STXBP5L: variants seen among roughly 807,000 people sequenced by gnomAD.
The protein encoded by STXBP5L is syntaxin-binding protein 5-like.
A neutral mutation model predicts 144.5 loss-of-function variants in STXBP5L; 65 were observed. That is an observed-to-expected ratio of 0.45 (90% CI 0.37 to 0.55). The LOEUF (loss-of-function observed/expected upper bound fraction) is 0.55, where lower values mean the gene tolerates loss of function less well. STXBP5L is among the 20% of genes least tolerant of loss of function. STXBP5L has a pLI of 0.00. For synonymous variants in STXBP5L, 505 were observed against 469.6 expected, an observed-to-expected ratio of 1.08 and a Z score of -0.97; for missense variants, 1,298 against 1,405.5, an observed-to-expected ratio of 0.92 and a Z score of 1.22.
chr3:120,935,276 T>A (rs1238432348), intron 2 of STXBP5L, among the ~76,000 whole-genome samples: 1 of 151,950 alleles, frequency 6.6e-6, no homozygotes, highest in Non-Finnish European at 1.5e-5. Context: ...AGTTCCCTTA[T>A]AATAAAGTAT....
intron 3 of STXBP5L, 101 bp downstream of exon 3, chr3:120,955,138 A>G (rs912331171): frequency 1.2e-6 from 1 of 829,894 alleles, no homozygotes; most frequent in African/African-American, 1.8e-5. Context: ...AAAGTTTATT[A>G]TTTTTTAAGA....
At chr3:121,001,808 T>C (rs1161286183) in intron 3 of STXBP5L, among the ~76,000 whole-genome samples, 2 of 152,164 alleles carry the variant, frequency 1.3e-5, no homozygotes, top group Non-Finnish European at 2.9e-5. Flanking sequence ...AAGATTTCAT[T>C]GGGGTGTGCT....
intron 20 of STXBP5L, among the ~76,000 whole-genome samples, chr3:121,360,776 T>C (rs1211683609): frequency 1.3e-5 from 2 of 152,174 alleles, no homozygotes; most frequent in Non-Finnish European, 2.9e-5. Flanking sequence ...TTATTATTTT[T>C]TATTGTTTCA....
At position 120,952,268 on chromosome 3, in the gene STXBP5L, T is replaced by C. The variant is rs554434198; in HGVS notation, c.190-2672T>C. On this transcript the variant is annotated intron_variant, in intron 2 of 26. Coordinates refer to ENST00000471454, the MANE Select transcript of STXBP5L (RefSeq NM_001308330.2). ...GACAGAGATTGCATTGATTTTAATA[T>C]CAATTCGGAGAGTATTGCCACATTA... Among the ~76,000 whole-genome samples, 58 of 152,094 alleles carry C rather than the reference T, an allele frequency of 3.8e-4. 1 individual carries two copies. Among genetic ancestry groups the C allele is most frequent in the Admixed American group, 2.6e-4 (4 of 15,240 alleles).
intron 5 of STXBP5L, among the ~76,000 whole-genome samples, chr3:121,104,503 C>A (rs905641175): frequency 6.6e-6 from 1 of 152,120 alleles, no homozygotes; most frequent in Non-Finnish European, 1.5e-5. Flanking sequence ...AACTATACTA[C>A]AAAACTATAG....
chr3:120,924,128 G>T (rs766812834), intron 2 of STXBP5L, among the ~76,000 whole-genome samples: 44 of 152,040 alleles, frequency 2.9e-4, no homozygotes, highest in Admixed American at 1.9e-3. Flanking sequence ...CATTGTGTTA[G>T]ACAGTAATTA....
chr3:120,931,763 G>A (rs1191186065), intron 2 of STXBP5L, among the ~76,000 whole-genome samples: 2 of 152,166 alleles, frequency 1.3e-5, no homozygotes, highest in Non-Finnish European at 2.9e-5. Context: ...ACCAGTCTGG[G>A]AAGTCAAACC....
chr3:120,937,843 T>G (rs1336860801), intron 2 of STXBP5L, among the ~76,000 whole-genome samples: 1 of 152,182 alleles, frequency 6.6e-6, no homozygotes, highest in African/African-American at 2.4e-5. Context: ...GTTAATGATT[T>G]ACAACTTTCT....
In STXBP5L at chr3:121,227,739, AT is replaced by A. The variant is rs370053352; in HGVS notation, c.1111+4586del. Among the ~76,000 whole-genome samples the A allele has an allele frequency of 1.1e-3, 174 of 152,322 alleles. 1 individual carries two copies. The South Asian group carries it at 0.013, about 11-fold the overall frequency. On this transcript the variant is annotated intron_variant, in intron 11 of 26. Coordinates refer to ENST00000471454, the MANE Select transcript of STXBP5L (RefSeq NM_001308330.2). ...TTCCAATTGACAAGGCAATTTAGAT[AT>A]TTTGGTGGCATACAATCATTTAACA...
At chr3:121,155,314 G>A (rs1020075118) in intron 8 of STXBP5L, among the ~76,000 whole-genome samples, 1 of 151,708 alleles carries the variant, frequency 6.6e-6, no homozygotes, top group Non-Finnish European at 1.5e-5. Context: ...CTGAGCCTTT[G>A]CTCCTTCTAA....
chr3:121,334,730 A>T (rs1244800992), intron 20 of STXBP5L, among the ~76,000 whole-genome samples: 4 of 152,194 alleles, frequency 2.6e-5, no homozygotes, highest in South Asian at 2.1e-4. Flanking sequence ...AGAACTAAAG[A>T]TAGAAACCAC....
At chr3:121,352,177 C>G (rs9850009) in intron 20 of STXBP5L, among the ~76,000 whole-genome samples, 119,421 of 151,792 alleles carry the variant, frequency 0.79, 47,247 homozygotes, top group East Asian at 0.93. Flanking sequence ...GATCTTTTTT[C>G]GTTCCGTATG....
intron 5 of STXBP5L, among the ~76,000 whole-genome samples, chr3:121,047,008 C>G (rs1288873823): frequency 6.6e-6 from 1 of 152,044 alleles, no homozygotes; most frequent in African/African-American, 2.4e-5. Flanking sequence ...AAACTTTCCT[C>G]TTAGCACTAC....
intron 11 of STXBP5L, among the ~76,000 whole-genome samples, chr3:121,225,730 T>A (rs1307502689): frequency 6.6e-6 from 1 of 152,204 alleles, no homozygotes; most frequent in East Asian, 1.9e-4. Flanking sequence ...TCTTTGCCAA[T>A]TGGGCTTTTA....
intron 2 of STXBP5L, among the ~76,000 whole-genome samples, chr3:120,942,415 G>A (rs1710613770): frequency 6.6e-6 from 1 of 151,356 alleles, no homozygotes; most frequent in South Asian, 2.1e-4. Flanking sequence ...TATGAAAACA[G>A]GTTAATCTAA....
intron 18 of STXBP5L, among the ~76,000 whole-genome samples, chr3:121,277,226 G>A (rs2050912482): frequency 1.3e-5 from 2 of 152,002 alleles, no homozygotes; most frequent in South Asian, 4.1e-4. Flanking sequence ...TCACATAATG[G>A]AAGGGGTGAG....
chr3:121,198,827 C>T (rs187560595), intron 9 of STXBP5L, among the ~76,000 whole-genome samples: 1 of 152,224 alleles, frequency 6.6e-6, no homozygotes, highest in East Asian at 1.9e-4. Flanking sequence ...GGTCTTTGTT[C>T]TGTTTCATTG....
intron 19 of STXBP5L, among the ~76,000 whole-genome samples, chr3:121,293,838 G>C (rs1462981774): frequency 6.6e-6 from 1 of 152,152 alleles, no homozygotes; most frequent in Non-Finnish European, 1.5e-5. Context: ...TCCAGCTTGG[G>C]CAACAAGAGC....
intron 22 of STXBP5L, among the ~76,000 whole-genome samples, chr3:121,390,753 G>A (rs2046561922): frequency 6.6e-6 from 1 of 152,136 alleles, no homozygotes; most frequent in Non-Finnish European, 1.5e-5. Flanking sequence ...CAAGAGATCT[G>A]CTGTTAGTCT....
Sources: allele counts gnomAD v4.1 joint callset (sites outside exome capture counted in the v4.1 genomes callset), GRCh38; gene constraint gnomAD v4.1.1; transcripts MANE v1.5; gene names NCBI Gene and HGNC (gene_info 2026-07-23, HGNC 2026-07-21).